Variants in NAALADL2 observed in about 807,000 individuals in gnomAD.
The protein encoded by NAALADL2 is N-acetylated alpha-linked acidic dipeptidase like 2, also known as inactive N-acetylated-alpha-linked acidic dipeptidase-like protein 2.
In NAALADL2, 76 loss-of-function variants were observed where a neutral mutation model predicts 87.2. The observed-to-expected ratio is 0.87, with a 90% confidence interval of 0.72 to 1.05. The LOEUF is 1.05. Ranked by LOEUF, NAALADL2 falls within the 50% of genes least tolerant of loss-of-function variation. The pLI is 0.00. For missense variants in NAALADL2, 1,089 were observed against 945.8 expected (o/e 1.15, Z -1.99); for synonymous variants, 354 against 331.0 (o/e 1.07, Z -0.75).
intron 1 of NAALADL2, among the ~76,000 whole-genome samples, chr3:175,078,516 A>G (rs1461550889): frequency 6.6e-6 from 1 of 152,186 alleles, no homozygotes; most frequent in African/African-American, 2.4e-5. Context: ...ACCATGATCC[A>G]ATCAGTTGTA....
chr3:174,737,145 T>C (rs1474977480), intron 2 of NAALADL2, among the ~76,000 whole-genome samples: 1 of 152,182 alleles, frequency 6.6e-6, no homozygotes, highest in African/African-American at 2.4e-5. Context: ...TCCCCTACTG[T>C]AGCCAGTGTC....
intron 1 of NAALADL2, among the ~76,000 whole-genome samples, chr3:174,452,339 C>T (rs1251888950): frequency 2.0e-5 from 3 of 152,154 alleles, no homozygotes; most frequent in South Asian, 2.1e-4. Flanking sequence ...GTGCTGCCTC[C>T]GTCACTGCTG....
chr3:175,374,213 C>T (rs1189993738), intron 5 of NAALADL2, among the ~76,000 whole-genome samples: 1 of 151,954 alleles, frequency 6.6e-6, no homozygotes, highest in Admixed American at 6.6e-5. Flanking sequence ...ACAAATCCTT[C>T]TCCTTTCCCT....
intron 1 of NAALADL2, among the ~76,000 whole-genome samples, chr3:174,940,928 G>C (rs561663306): frequency 6.6e-6 from 1 of 151,384 alleles, no homozygotes; most frequent in South Asian, 2.1e-4. Flanking sequence ...CTAGCGGCCT[G>C]TCTTACTAAT....
chr3:174,680,764 G>A (rs1381545981), intron 2 of NAALADL2, among the ~76,000 whole-genome samples: 1 of 152,176 alleles, frequency 6.6e-6, no homozygotes, highest in Non-Finnish European at 1.5e-5. Context: ...AAAATAAGGA[G>A]AAGGAGGAGC....
intron 1 of NAALADL2, among the ~76,000 whole-genome samples, chr3:174,925,483 A>G (rs1735878273): frequency 6.6e-6 from 1 of 152,090 alleles, no homozygotes; most frequent in African/African-American, 2.4e-5. Context: ...GCCTTGTAGT[A>G]TAGTTTGAAG....
rs199784049 is a variant in NAALADL2, at chr3:175,128,465, TC to T, written c.545+31175del. 9.6e-3 allele frequency among the ~76,000 whole-genome samples: 990 copies of T among 103,172 alleles called. 7 individuals carry two copies. Among genetic ancestry groups the T allele is most frequent in the African/African-American group, 0.043 (945 of 22,214 alleles). The allele number at this position is 103,172 out of a possible 152,430, so 67.7% of individuals were successfully genotyped here. ...TCATTTCTTCAATTTACCTTTTTTT[TC>T]TCTTTTGTGTTTTTAGTAGGCAATC... On this transcript the variant is annotated intron_variant, in intron 2 of 13. Transcript: ENST00000454872.
At chr3:175,649,340 A>G (rs761612479) in intron 11 of NAALADL2, among the ~76,000 whole-genome samples, 7 of 151,912 alleles carry the variant, frequency 4.6e-5, no homozygotes, top group East Asian at 1.9e-4. Context: ...GAGACCTTCA[A>G]TGAAGAAAGA....
chr3:175,477,063 A>G (rs1725795451), intron 9 of NAALADL2, among the ~76,000 whole-genome samples: 2 of 152,092 alleles, frequency 1.3e-5, no homozygotes, highest in Non-Finnish European at 2.9e-5. Context: ...CAGGTCAGGC[A>G]TCAGAGAAAA....
chr3:174,828,950 T>A (rs1331916506), intron 3 of NAALADL2, among the ~76,000 whole-genome samples: 1 of 152,186 alleles, frequency 6.6e-6, no homozygotes, highest in East Asian at 1.9e-4. Flanking sequence ...ATTATAATAT[T>A]TTGTGAAGCT....
intron 3 of NAALADL2, among the ~76,000 whole-genome samples, chr3:175,254,371 C>A (rs886592506): frequency 2.0e-5 from 3 of 152,156 alleles, no homozygotes; most frequent in Non-Finnish European, 2.9e-5. Context: ...AATGCTACTG[C>A]ACACTTAATA....
intron 3 of NAALADL2, among the ~76,000 whole-genome samples, chr3:175,254,576 TA>T (rs1434327233): frequency 1.3e-5 from 2 of 152,098 alleles, no homozygotes; most frequent in East Asian, 3.9e-4. Context: ...CTGCTACATA[TA>T]AAAAAAGTTC....
At chr3:174,875,335 CT>C (rs913609653) in intron 1 of NAALADL2, among the ~76,000 whole-genome samples, 3 of 151,986 alleles carry the variant, frequency 2.0e-5, no homozygotes, top group South Asian at 2.1e-4. Flanking sequence ...AAAGAGTAGA[CT>C]TTGGAGGGTA....
At chr3:174,859,605 C>T (rs529933750) in intron 1 of NAALADL2, among the ~76,000 whole-genome samples, 155 bp downstream of exon 1, 6 of 152,060 alleles carry the variant, frequency 3.9e-5, no homozygotes, top group South Asian at 4.2e-4. Context: ...TTTCTGCGAG[C>T]GAGAAAAGAG....
At chr3:174,456,006 G>A (rs1360492606) in intron 1 of NAALADL2, among the ~76,000 whole-genome samples, 1 of 152,104 alleles carries the variant, frequency 6.6e-6, no homozygotes, top group Non-Finnish European at 1.5e-5. Context: ...AACAACTTAA[G>A]TGAAGTCTCA....
chr3:175,060,188 C>T (rs1713125793), intron 1 of NAALADL2, among the ~76,000 whole-genome samples: 2 of 152,198 alleles, frequency 1.3e-5, no homozygotes, highest in African/African-American at 2.4e-5. Context: ...CAAGCTGTCA[C>T]AGCCTGTCTT....
At chr3:175,634,907 C>T (rs533231326) in intron 11 of NAALADL2, among the ~76,000 whole-genome samples, 1 of 151,972 alleles carries the variant, frequency 6.6e-6, no homozygotes, top group South Asian at 2.1e-4. Flanking sequence ...GTTTTCATGA[C>T]ATGAGCTAAA....
intron 2 of NAALADL2, among the ~76,000 whole-genome samples, chr3:174,591,576 A>G (rs1717364396): frequency 6.6e-6 from 1 of 152,110 alleles, no homozygotes; most frequent in African/African-American, 2.4e-5. Context: ...GCTTGCTTGG[A>G]TTAGTTAAAA....
intron 2 of NAALADL2, among the ~76,000 whole-genome samples, chr3:175,195,248 G>A (rs572264221): frequency 2.6e-5 from 4 of 151,796 alleles, no homozygotes; most frequent in Admixed American, 6.6e-5. Flanking sequence ...GGTATTGCTC[G>A]GAGTGCTAGG....
Sources: gnomAD v4.1 joint callset for allele counts (sites outside exome capture counted in the v4.1 genomes callset) on GRCh38, gnomAD v4.1.1 for gene constraint, MANE v1.5 for transcripts, NCBI Gene and HGNC (gene_info 2026-07-23, HGNC 2026-07-21) for gene names.